The following DOCK2 variants were observed in gnomAD, a reference collection of about 807,000 sequenced individuals.
The protein encoded by DOCK2 is dedicator of cytokinesis protein 2.
In DOCK2, 87 loss-of-function variants were observed where a neutral mutation model predicts 248.9. The ratio of observed to expected loss-of-function variants is 0.35; its 90% CI spans 0.29 to 0.42. The LOEUF is 0.42. Ranked by LOEUF, DOCK2 falls within the 10% of genes least tolerant of loss-of-function variation. The pLI is 1.00. For synonymous variants in DOCK2, 805 were observed against 821.6 expected (o/e 0.98, Z 0.35); for missense variants, 1,747 against 2,300.2 (o/e 0.76, Z 4.92).
At chr5:169,734,198 A>G (rs966597981) in intron 22 of DOCK2, among the ~76,000 whole-genome samples, 1 of 152,038 alleles carries the variant, frequency 6.6e-6, no homozygotes, top group African/African-American at 2.4e-5. Context: ...TTTCAATTAC[A>G]ATATTATTTT....
At chr5:170,048,272 A>T (rs1756786259) in intron 40 of DOCK2, among the ~76,000 whole-genome samples, 1 of 151,970 alleles carries the variant, frequency 6.6e-6, no homozygotes. Flanking sequence ...CGCACCTATA[A>T]TCCCAGCTAT....
chr5:169,934,821 G>T (rs945409965), intron 27 of DOCK2: 10 of 429,116 alleles, frequency 2.3e-5, no homozygotes, highest in Non-Finnish European at 4.3e-5. Context: ...TAAATTGATT[G>T]TAGTGTCATC....
chr5:170,036,029 C>A (rs999592167), intron 35 of DOCK2, among the ~76,000 whole-genome samples: 4 of 152,148 alleles, frequency 2.6e-5, no homozygotes, highest in African/African-American at 9.7e-5. Flanking sequence ...GTTTTGGCGA[C>A]AGAATCCCAT....
intron 27 of DOCK2, among the ~76,000 whole-genome samples, chr5:169,955,451 G>A (rs1210599453): frequency 6.6e-6 from 1 of 152,300 alleles, no homozygotes; most frequent in Non-Finnish European, 1.5e-5. Context: ...GACAGTACGT[G>A]CTGTCACTCT....
chr5:170,035,137 T>G (rs1220175171), intron 35 of DOCK2, among the ~76,000 whole-genome samples: 1 of 152,194 alleles, frequency 6.6e-6, no homozygotes, highest in Non-Finnish European at 1.5e-5. Flanking sequence ...AACCCCTATA[T>G]TCCATGAGCT....
chr5:169,653,988 C>G (rs1449698782), intron 1 of DOCK2, among the ~76,000 whole-genome samples: 2 of 152,250 alleles, frequency 1.3e-5, no homozygotes, highest in African/African-American at 4.8e-5. Flanking sequence ...CTCCTGCTAT[C>G]CTGCTCACCA....
intron 27 of DOCK2, among the ~76,000 whole-genome samples, chr5:169,890,893 C>G (rs900786889): frequency 6.6e-6 from 1 of 152,170 alleles, no homozygotes; most frequent in Non-Finnish European, 1.5e-5. Flanking sequence ...CATCTGTCCT[C>G]CACACAGCAG....
At chr5:169,838,771 G>C (rs139349314) in intron 26 of DOCK2, among the ~76,000 whole-genome samples, 94 of 152,304 alleles carry the variant, frequency 6.2e-4, no homozygotes, top group African/African-American at 2.2e-3. Flanking sequence ...CAGAGGTTCT[G>C]TTGGTGGCTC....
At chr5:170,011,663 G>A (rs1481895552) in intron 32 of DOCK2, among the ~76,000 whole-genome samples, 2 of 152,162 alleles carry the variant, frequency 1.3e-5, no homozygotes, top group Non-Finnish European at 2.9e-5. Flanking sequence ...ACAGCCACGT[G>A]TCCCAAGTCT....
At chr5:170,074,200 A>C (rs1757769487) in intron 46 of DOCK2, among the ~76,000 whole-genome samples, 1 of 152,116 alleles carries the variant, frequency 6.6e-6, no homozygotes, top group Admixed American at 6.5e-5. Flanking sequence ...CCTATATATT[A>C]GTTAAATTTT....
chr5:170,055,826 A>G (rs933744164), intron 42 of DOCK2, among the ~76,000 whole-genome samples: 2 of 152,228 alleles, frequency 1.3e-5, no homozygotes, highest in Admixed American at 1.3e-4. Context: ...TACATTGACA[A>G]TGGTGTGTTC....
At chr5:169,653,075 T>A (rs1161498970) in intron 1 of DOCK2, among the ~76,000 whole-genome samples, 1 of 152,218 alleles carries the variant, frequency 6.6e-6, no homozygotes, top group Non-Finnish European at 1.5e-5. Context: ...TCTCTCTGTC[T>A]GAGTTTCTGT....
In DOCK2 at chr5:170,083,046, G is replaced by T. The variant is rs147788572; in HGVS notation, c.*188G>T. The T allele has an allele frequency of 2.4e-4, 159 of 654,832 alleles. No homozygotes were observed. The African/African-American group carries it at 2.5e-3, about 10-fold the overall frequency. The allele number at this position is 654,832 out of a possible 1,614,324, so 40.6% of individuals were successfully genotyped here. ...GCTAACAAGCCCAGCATCCCCTGGG[G>T]CTGTGATCATGGTGGATGAGGAAGC... On this transcript the variant is annotated 3_prime_UTR_variant, in exon 52 of 52. Transcript: ENST00000520908.
chr5:169,638,415 A>T (rs1159478060), intron 1 of DOCK2, among the ~76,000 whole-genome samples: 2 of 152,220 alleles, frequency 1.3e-5, no homozygotes, highest in South Asian at 2.1e-4. Flanking sequence ...AAAGTAAGGA[A>T]GGATACAGCT....
At chr5:169,958,581 G>GTT (rs1180167990) in intron 27 of DOCK2, among the ~76,000 whole-genome samples, 2 of 72,952 alleles carry the variant, frequency 2.7e-5, no homozygotes, top group Admixed American at 1.2e-4. Context: ...CTTTTCCTGG[G>GTT]TTTCTTTTTT....
chr5:169,896,432 G>A (rs1288039866), intron 27 of DOCK2, among the ~76,000 whole-genome samples: 2 of 152,120 alleles, frequency 1.3e-5, no homozygotes, highest in Admixed American at 6.6e-5. Flanking sequence ...CTTTGTTGGA[G>A]GGTAAATTAC....
rs551095312 is a variant in DOCK2 at position 169,866,107 on chromosome 5, G to A, written c.2799+25255G>A. Among the ~76,000 whole-genome samples, 128 of 150,360 alleles carry A rather than the reference G, an allele frequency of 8.5e-4. 1 individual carries two copies. Among genetic ancestry groups the A allele is most frequent in the African/African-American group, 2.9e-3 (118 of 40,320 alleles). On this transcript the variant is annotated intron_variant, in intron 27 of 51. Coordinates refer to ENST00000520908, the MANE Select transcript of DOCK2 (RefSeq NM_004946.3). ...AAGAGTCAGAGGGGCGAGGGGGCCT[G>A]TTTTATAGCAAGACTGATGGGGTGT... is the stretch of plus-strand genomic sequence containing the variant.
chr5:169,957,370 A>G (rs1776912745), intron 27 of DOCK2, among the ~76,000 whole-genome samples: 1 of 152,220 alleles, frequency 6.6e-6, no homozygotes, highest in African/African-American at 2.4e-5. Flanking sequence ...AAAATAGACA[A>G]AGTACTTAGC....
intron 27 of DOCK2, among the ~76,000 whole-genome samples, chr5:169,855,271 T>A (rs1370779724): frequency 6.6e-6 from 1 of 152,238 alleles, no homozygotes; most frequent in East Asian, 1.9e-4. Context: ...GTAGTAATAA[T>A]GCGACTCTCC....
Sources: allele counts gnomAD v4.1 joint callset (sites outside exome capture counted in the v4.1 genomes callset), GRCh38; gene constraint gnomAD v4.1.1; transcripts MANE v1.5; gene names NCBI Gene and HGNC (gene_info 2026-07-23, HGNC 2026-07-21).